Variants in TENM3 observed in about 807,000 individuals in gnomAD.
TENM3 encodes teneurin-3.
Under a neutral mutation model 255.1 loss-of-function variants are expected in TENM3, and 63 were observed. The observed-to-expected ratio is 0.25, with a 90% CI of 0.20 to 0.30. The LOEUF (loss-of-function observed/expected upper bound fraction) is 0.30. TENM3 is among the 10% of genes least tolerant of loss of function. The pLI, the probability that TENM3 is intolerant of heterozygous loss-of-function variation, is 1.00. For synonymous variants in TENM3, 1,306 were observed against 1,322.3 expected, an observed-to-expected ratio of 0.99 and a Z score of 0.27; for missense variants, 2,929 against 3,461.1, an observed-to-expected ratio of 0.85 and a Z score of 3.86.
At chr4:181,460,146 A>G in the TENM3 span, among the ~76,000 whole-genome samples, 3 of 151,988 alleles carry the variant, frequency 2.0e-5, no homozygotes, top group Non-Finnish European at 2.9e-5. Flanking sequence ...TACAATTGAC[A>G]TTTGCAAATT....
chr4:182,388,630 C>T (rs933223130), intron 3 of TENM3, among the ~76,000 whole-genome samples: 6 of 152,332 alleles, frequency 3.9e-5, no homozygotes, highest in African/African-American at 1.4e-4. Context: ...ATCCTACTAC[C>T]TTAGAAACAC....
chr4:181,794,183 G>A, the TENM3 span, among the ~76,000 whole-genome samples: 5 of 140,930 alleles, frequency 3.5e-5, no homozygotes, highest in African/African-American at 1.3e-4. Flanking sequence ...TTTTTATGGT[G>A]TACAATATAT....
At chr4:181,461,474 G>A in the TENM3 span, among the ~76,000 whole-genome samples, 1 of 151,946 alleles carries the variant, frequency 6.6e-6, no homozygotes, top group East Asian at 1.9e-4. Flanking sequence ...TTTCTATTCT[G>A]CCCCTACTTA....
At chr4:181,735,294 TGTG>T in the TENM3 span, among the ~76,000 whole-genome samples, 3 of 152,244 alleles carry the variant, frequency 2.0e-5, no homozygotes, top group African/African-American at 4.8e-5. Context: ...AAGAAAATAA[TGTG>T]GTACTTGTAG....
rs1581153206 is a variant in TENM3, at chr4:182,628,875, T to C, written c.974T>C (p.Leu325Pro). 1 of 1,592,826 alleles carries C rather than the reference T, an allele frequency of 6.3e-7. No individual in the cohort carries two copies. Among genetic ancestry groups the C allele is most frequent in the East Asian group, 2.2e-5 (1 of 44,546 alleles). The stretch of plus-strand genomic sequence containing the variant: ...GTCTCGGTGCTCCTGGCAATACTCC[T>C]GTCTTATTTTATAGGTAAGAACAAG... ...VGVSVLLAIL[L>P]SYFIAMHLFG... Residue 325 changes from leucine to proline, a missense_variant, in exon 5 of 28, where the codon CTG becomes CCG. Physicochemically the swap from Leu to Pro is moderately conservative, Grantham distance 98 (BLOSUM62 -3). Coordinates refer to ENST00000511685, the MANE Select transcript of TENM3 (RefSeq NM_001080477.4).
chr4:181,873,435 T>G, the TENM3 span, among the ~76,000 whole-genome samples: 1 of 152,182 alleles, frequency 6.6e-6, no homozygotes, highest in Non-Finnish European at 1.5e-5. Context: ...CCATAAATTT[T>G]TATTCATGGT....
chr4:181,682,160 C>G, the TENM3 span, among the ~76,000 whole-genome samples: 2 of 152,092 alleles, frequency 1.3e-5, no homozygotes, highest in Admixed American at 1.3e-4. Flanking sequence ...TAACAATTAA[C>G]AAAAAGAGAA....
chr4:182,731,694 GGTGTGTGTGTGTGTGTGTGTGT>G lies in TENM3; in HGVS notation c.2967+578_2967+599del, dbSNP rs70956536. 8.7e-4 allele frequency among the ~76,000 whole-genome samples: 108 copies of G among 124,762 alleles called. 1 individual carries two copies. In the South Asian group the frequency reaches 0.026, roughly 30 times the overall value. The allele number at this position is 124,762 out of a possible 152,430, so 81.8% of individuals were successfully genotyped here. ...AGAATGAATATATAGTGGGTGTTGGGGTGTGTGTGTGTGTGTGTGTGTGTGTGTGTGTGTGTGTGTGTGTCCT... is the reference window on the plus strand; with the variant it reads ...AGAATGAATATATAGTGGGTGTTGGGGTGTGTGTGTGTGTGTGTGTGTCCT... On this transcript the variant is annotated intron_variant, in intron 16 of 27. Coordinates refer to ENST00000511685, the MANE Select transcript of TENM3 (RefSeq NM_001080477.4).
chr4:182,426,422 A>T (rs942687334), intron 3 of TENM3, among the ~76,000 whole-genome samples: 18 of 152,222 alleles, frequency 1.2e-4, no homozygotes, highest in African/African-American at 3.6e-4. Context: ...GCTTCTAAAG[A>T]CAATGACGGA....
At chr4:182,296,383 A>G (rs1047762295) in intron 1 of TENM3, among the ~76,000 whole-genome samples, 6 of 152,234 alleles carry the variant, frequency 3.9e-5, no homozygotes, top group African/African-American at 1.4e-4. Flanking sequence ...AAAGTAAATC[A>G]TAAGGGACTT....
the TENM3 span, among the ~76,000 whole-genome samples, chr4:182,088,616 C>G: frequency 6.6e-6 from 1 of 151,920 alleles, no homozygotes; most frequent in African/African-American, 2.4e-5. Flanking sequence ...GGGCGGATCA[C>G]GAGGTCAGGA....
chr4:182,106,185 G>A, the TENM3 span, among the ~76,000 whole-genome samples: 389 of 152,310 alleles, frequency 2.6e-3, 1 homozygote, highest in African/African-American at 6.9e-3. Context: ...AATCCTGCGG[G>A]GCACGGTGGC....
chr4:181,842,991 T>A, the TENM3 span, among the ~76,000 whole-genome samples: 165 of 152,352 alleles, frequency 1.1e-3, 1 homozygote, highest in African/African-American at 3.9e-3. Flanking sequence ...CCATCTTCTC[T>A]AAGTTCCTTT....
chr4:181,558,133 T>G, the TENM3 span, among the ~76,000 whole-genome samples: 1 of 152,244 alleles, frequency 6.6e-6, no homozygotes, highest in Admixed American at 6.5e-5. Flanking sequence ...AAAGTTCAGC[T>G]ATTGAAAGAG....
chr4:181,947,455 C>T, the TENM3 span, among the ~76,000 whole-genome samples: 5 of 152,148 alleles, frequency 3.3e-5, no homozygotes, highest in African/African-American at 1.2e-4. Context: ...GGTATTTCTA[C>T]AATCTGTCTC....
At chr4:182,645,788 A>G (rs1451355591) in intron 5 of TENM3, among the ~76,000 whole-genome samples, 1 of 152,218 alleles carries the variant, frequency 6.6e-6, no homozygotes, top group Non-Finnish European at 1.5e-5. Flanking sequence ...GAACAACCAA[A>G]AAAGAAGCTG....
At chr4:181,498,511 A>C in the TENM3 span, among the ~76,000 whole-genome samples, 2 of 152,204 alleles carry the variant, frequency 1.3e-5, no homozygotes, top group African/African-American at 4.8e-5. Context: ...CCACATGAGA[A>C]GATGCTGAAG....
chr4:182,074,066 T>C, the TENM3 span, among the ~76,000 whole-genome samples: 11 of 152,262 alleles, frequency 7.2e-5, no homozygotes, highest in African/African-American at 2.6e-4. Flanking sequence ...TAATATAAAT[T>C]AGTTATTAAG....
intron 3 of TENM3, among the ~76,000 whole-genome samples, chr4:182,445,477 T>G (rs1235160139): frequency 6.6e-6 from 1 of 152,206 alleles, no homozygotes. Flanking sequence ...GCGGGAAAGG[T>G]AATAATCTCA....
Sources: gnomAD v4.1 joint callset for allele counts (sites outside exome capture counted in the v4.1 genomes callset) on GRCh38, gnomAD v4.1.1 for gene constraint, MANE v1.5 for transcripts, NCBI Gene and HGNC (gene_info 2026-07-23, HGNC 2026-07-21) for gene names.